Variants in NOS1 observed in about 807,000 individuals in gnomAD.
NOS1 encodes nitric oxide synthase 1.
Under a neutral mutation model 164.5 loss-of-function variants are expected in NOS1, and 51 were observed. That is an observed-to-expected ratio of 0.31 (90% CI 0.25 to 0.39). The LOEUF (loss-of-function observed/expected upper bound fraction) is 0.39. Among genes scored for constraint, NOS1 ranks in the 10% least tolerant of loss-of-function variants. The probability of loss-of-function intolerance (pLI) is 1.00; values close to 1 mark genes in which losing one functional copy is unlikely to be tolerated. For missense variants in NOS1, 1,362 were observed against 1,885.6 expected (o/e 0.72, Z 5.14); for synonymous variants, 719 against 745.8 (o/e 0.96, Z 0.59).
intron 9 of NOS1, among the ~76,000 whole-genome samples, chr12:117,274,726 C>A (rs1398576548): frequency 1.0e-4 from 14 of 134,458 alleles, no homozygotes; most frequent in Middle Eastern, 4.3e-3. Context: ...GCCAAGATGG[C>A]GCTACTGCAC....
chr12:117,230,060 C>T (rs764080265), intron 22 of NOS1, among the ~76,000 whole-genome samples: 7 of 152,194 alleles, frequency 4.6e-5, no homozygotes, highest in Non-Finnish European at 8.8e-5. Flanking sequence ...GCTGGGTCTA[C>T]AGGCATGTGC....
intron 9 of NOS1, among the ~76,000 whole-genome samples, chr12:117,274,012 A>C (rs1156371454): frequency 6.6e-6 from 1 of 152,234 alleles, no homozygotes; most frequent in Non-Finnish European, 1.5e-5. Flanking sequence ...AGAAACAAGC[A>C]ACAGAGTGAA....
At chr12:117,325,396 T>A (rs532049320) in intron 2 of NOS1, among the ~76,000 whole-genome samples, 10 of 152,150 alleles carry the variant, frequency 6.6e-5, no homozygotes, top group Non-Finnish European at 1.3e-4. Flanking sequence ...TAGGAGGCCA[T>A]TTGGTAATTT....
intron 1 of NOS1, among the ~76,000 whole-genome samples, chr12:117,344,423 T>C (rs1363836185): frequency 1.3e-5 from 2 of 152,246 alleles, no homozygotes; most frequent in Non-Finnish European, 2.9e-5. Flanking sequence ...CATTTTTATA[T>C]GTAAGCACTT....
Position 117,209,964 on chromosome 12 carries a change from C to T in NOS1, c.*5345G>A. The T allele has an allele frequency of 1.0e-6, 1 of 985,398 alleles. No individual in the cohort carries two copies. Among genetic ancestry groups the T allele is most frequent in the Non-Finnish European group, 1.2e-6 (1 of 830,004 alleles). The allele number at this position is 985,398 out of a possible 1,614,324, so 61.0% of individuals were successfully genotyped here. Reference sequence around the variant, plus strand: ...GACCTGTGTTTCCTTAATCCCAGCACCTGGTCTTTCATTTTAATTTTTTTT... The same window carrying T: ...GACCTGTGTTTCCTTAATCCCAGCATCTGGTCTTTCATTTTAATTTTTTTT... On this transcript the variant is annotated 3_prime_UTR_variant, in exon 29 of 29. Transcript: ENST00000317775.
intron 1 of NOS1, among the ~76,000 whole-genome samples, chr12:117,352,471 C>CTGT (rs1347588078): frequency 6.6e-6 from 1 of 152,178 alleles, no homozygotes; most frequent in African/African-American, 2.4e-5. Context: ...TGAGCCTGTT[C>CTGT]TGTTGCTGAC....
At chr12:117,321,136 G>A (rs1311388858) in intron 2 of NOS1, among the ~76,000 whole-genome samples, 2 of 152,018 alleles carry the variant, frequency 1.3e-5, no homozygotes, top group East Asian at 3.9e-4. Flanking sequence ...CAGCCTCCTG[G>A]GTAGCTGGAA....
At chr12:117,231,241 C>T (rs1026593807) in intron 22 of NOS1, among the ~76,000 whole-genome samples, 11 of 151,072 alleles carry the variant, frequency 7.3e-5, no homozygotes, top group South Asian at 6.3e-4. Flanking sequence ...CCTTTGAGCC[C>T]GGGGAAATGG....
In NOS1 at chr12:117,212,975, ATCTT is replaced by A. The variant is rs1000515400; in HGVS notation, c.*2330_*2333del. The A allele has an allele frequency of 1.1e-4, 111 of 985,290 alleles. 1 individual carries two copies. The African/African-American group carries it at 1.8e-3, about 16-fold the overall frequency. The allele number at this position is 985,290 out of a possible 1,614,324, so 61.0% of individuals were successfully genotyped here. A position where few individuals can be genotyped will look rare whatever the true frequency, so the allele number is the denominator to read the frequency against. On this transcript the variant is annotated 3_prime_UTR_variant, in exon 29 of 29. Transcript: ENST00000317775. ...TTGAAAGGTGTTTACTTAAAAAAAA[ATCTT>A]TCTGGAGAAGAAGGATGAATCCTGG...
Position 117,259,011 on chromosome 12 carries a change from A to G in NOS1, c.2472+15T>C, listed in dbSNP as rs9658432. 0.015 allele frequency: 24,192 copies of G among 1,582,558 alleles called. 228 individuals carry two copies. Among genetic ancestry groups the G allele is most frequent in the Non-Finnish European group, 0.019 (22,143 of 1,151,290 alleles). The stretch of plus-strand genomic sequence containing the variant: ...GATGGAACCACACTCTTGAACAGGT[A>G]AAAGCTCATCTCACCTCCCCATTCT... On this transcript the variant is annotated intron_variant, in intron 15 of 28. Transcript: ENST00000317775.
chr12:117,245,048 G>T (rs1296972536), intron 18 of NOS1, among the ~76,000 whole-genome samples: 1 of 152,114 alleles, frequency 6.6e-6, no homozygotes, highest in Non-Finnish European at 1.5e-5. Flanking sequence ...ATCTCTCTTT[G>T]TCTGGGAGGA....
intron 13 of NOS1, 111 bp downstream of exon 13, chr12:117,263,778 A>G (rs1872133762): frequency 1.3e-6 from 1 of 774,346 alleles, no homozygotes; most frequent in Admixed American, 2.1e-5. Context: ...AGATGAAGAA[A>G]TCATATTCTG....
intron 3 of NOS1, among the ~76,000 whole-genome samples, chr12:117,291,309 C>T (rs1223830723): frequency 1.3e-5 from 2 of 152,094 alleles, no homozygotes; most frequent in African/African-American, 4.8e-5. Flanking sequence ...TTAAAACTTC[C>T]AGGCTTGTTC....
chr12:117,339,266 C>A (rs2136082695), intron 1 of NOS1, among the ~76,000 whole-genome samples: 1 of 152,286 alleles, frequency 6.6e-6, no homozygotes, highest in Middle Eastern at 3.4e-3. Context: ...AGTTTCATGG[C>A]TACAGTTTGC....
intron 27 of NOS1, among the ~76,000 whole-genome samples, chr12:117,218,377 G>A (rs1956644804): frequency 6.6e-6 from 1 of 152,058 alleles, no homozygotes; most frequent in Non-Finnish European, 1.5e-5. Context: ...TGTTCTCTGG[G>A]ACATAGCCCA....
chr12:117,347,905 GCTTT>G lies in NOS1; in HGVS notation c.-421+13603_-421+13606del, dbSNP rs3841422. The G allele has an allele frequency of 5.9e-5, 9 of 152,190 alleles. No homozygotes were observed. In the East Asian group the frequency reaches 1.7e-3, roughly 29 times the overall value. The allele number at this position is 152,190 out of a possible 1,614,324, so 9.4% of individuals were successfully genotyped here. A position where few individuals can be genotyped will look rare whatever the true frequency, so the allele number is the denominator to read the frequency against. ...AGTGACACCTTTCTGTCTAAATTGGGCTTTCTCTTTTGATGTCAAACCAGTCCTT... is the reference window on the plus strand; with the variant it reads ...AGTGACACCTTTCTGTCTAAATTGGGCTCTTTTGATGTCAAACCAGTCCTT... On this transcript the variant is annotated intron_variant, in intron 1 of 28. Transcript: ENST00000317775.
rs1956540570 is a variant in NOS1 at position 117,212,252 on chromosome 12, C to A, written c.*3057G>T. 1.0e-6 allele frequency: 1 copy of A among 985,344 alleles called. No homozygotes were observed. Among genetic ancestry groups the A allele is most frequent in the Non-Finnish European group, 1.2e-6 (1 of 829,926 alleles). 61.0% of individuals were successfully genotyped at this position (985,344 alleles called of 1,614,324 possible). On this transcript the variant is annotated 3_prime_UTR_variant, in exon 29 of 29. Coordinates refer to ENST00000317775, the MANE Select transcript of NOS1 (RefSeq NM_000620.5). ...TTTCGTGGGCATTGTCTCATTCAAT[C>A]CACCTTGTTATACAGGTGGGTATGC...
At chr12:117,331,985 T>C (rs1049548552) in intron 1 of NOS1, among the ~76,000 whole-genome samples, 11 of 152,156 alleles carry the variant, frequency 7.2e-5, no homozygotes, top group African/African-American at 2.4e-4. Context: ...ATGTACACAA[T>C]GATGACGAAT....
rs544938766 is a variant in NOS1 at position 117,220,137 on chromosome 12, T to C, written c.4108A>G (p.Ile1370Val). ...GAGAGCTTCCCCTGCTGGGTCATGATGCGCTGGATGGCTTTGAGGACATCA... is the reference window on the plus strand; with the variant it reads ...GAGAGCTTCCCCTGCTGGGTCATGACGCGCTGGATGGCTTTGAGGACATCA... ...AADVLKAIQR[I>V]MTQQGKLSAE... The change falls in exon 27 of 29, where the codon ATC becomes GTC. Residue 1370 changes from isoleucine to valine, a missense_variant. Coordinates refer to ENST00000317775, the MANE Select transcript of NOS1 (RefSeq NM_000620.5). 1 of 1,613,972 alleles carries C rather than the reference T, an allele frequency of 6.2e-7. No homozygotes were observed. The highest frequency in any genetic ancestry group is 2.2e-5 in the East Asian group (1 of 44,876).
Sources: gnomAD v4.1 joint callset for allele counts (sites outside exome capture counted in the v4.1 genomes callset) on GRCh38, gnomAD v4.1.1 for gene constraint, MANE v1.5 for transcripts, NCBI Gene and HGNC (gene_info 2026-07-23, HGNC 2026-07-21) for gene names.